The following SLIT3 variants were observed in gnomAD, a reference collection of about 807,000 sequenced individuals.
The protein encoded by SLIT3 is slit guidance ligand 3, also known as slit homolog 3 protein.
A neutral mutation model predicts 184.0 loss-of-function variants in SLIT3; 68 were observed. That is an observed-to-expected ratio of 0.37 (90% CI 0.30 to 0.45). SLIT3 has a LOEUF of 0.45. SLIT3 is among the 20% of genes least tolerant of loss of function. SLIT3 has a pLI of 1.00. For synonymous variants in SLIT3, 831 were observed against 828.6 expected (o/e 1.00, Z -0.05); for missense variants, 1,707 against 2,026.0 (o/e 0.84, Z 3.02).
intron 5 of SLIT3, among the ~76,000 whole-genome samples, chr5:168,862,788 C>T (rs34611275): frequency 0.11 from 16,176 of 152,102 alleles, 896 homozygotes; most frequent in East Asian, 0.22. Flanking sequence ...GATTCTCCTG[C>T]TTCAGCTTCC....
At chr5:169,170,292 G>A (rs1165082581) in intron 4 of SLIT3, among the ~76,000 whole-genome samples, 1 of 152,138 alleles carries the variant, frequency 6.6e-6, no homozygotes, top group African/African-American at 2.4e-5. Context: ...CTTCTCAGGG[G>A]TGAAAAGACT....
At chr5:169,033,303 A>G (rs1284575127) in intron 4 of SLIT3, among the ~76,000 whole-genome samples, 1 of 152,148 alleles carries the variant, frequency 6.6e-6, no homozygotes, top group Admixed American at 6.5e-5. Context: ...AGGGCTGAAT[A>G]ATATTCCAAT....
intron 4 of SLIT3, among the ~76,000 whole-genome samples, chr5:169,114,334 T>G (rs529889822): frequency 1.3e-5 from 2 of 152,192 alleles, no homozygotes; most frequent in Admixed American, 6.5e-5. Context: ...TATTATCACC[T>G]CTGTTTTACA....
intron 29 of SLIT3, among the ~76,000 whole-genome samples, chr5:168,689,648 G>A (rs1298732286): frequency 6.6e-6 from 1 of 152,208 alleles, no homozygotes; most frequent in Admixed American, 6.5e-5. Context: ...ATTGTATTAT[G>A]GACAGGTAGT....
At chr5:169,140,665 A>T (rs1206121154) in intron 4 of SLIT3, among the ~76,000 whole-genome samples, 1 of 151,720 alleles carries the variant, frequency 6.6e-6, no homozygotes, top group African/African-American at 2.4e-5. Flanking sequence ...GTAGCTGGGC[A>T]TGGCTGTGTG....
chr5:169,193,532 C>T lies in SLIT3; in HGVS notation c.360G>A (p.Lys120=), dbSNP rs1763630655. 1 of 1,613,944 alleles carries T rather than the reference C, an allele frequency of 6.2e-7. No individual in the cohort carries two copies. Among genetic ancestry groups the T allele is most frequent in the Non-Finnish European group, 8.5e-7 (1 of 1,179,958 alleles). Residue 120 remains lysine, a synonymous_variant, in exon 4 of 36, where the codon AAG becomes AAA. Transcript: ENST00000519560. ...QLERLRLNKN[K]LQVLPELLFQ... Reference sequence around the variant, plus strand: ...AAAGCAATTCTGGAAGGACTTGCAGCTTATTCTTGTTCAGGCGCCTAAAGA... The same window carrying T: ...AAAGCAATTCTGGAAGGACTTGCAGTTTATTCTTGTTCAGGCGCCTAAAGA...
At chr5:168,893,774 T>C (rs1419527124) in intron 4 of SLIT3, among the ~76,000 whole-genome samples, 1 of 152,164 alleles carries the variant, frequency 6.6e-6, no homozygotes, top group Non-Finnish European at 1.5e-5. Flanking sequence ...AAATGAAGTG[T>C]GTGCATTTGG....
intron 34 of SLIT3, 126 bp downstream of exon 34, chr5:168,671,072 A>G: frequency 9.3e-7 from 1 of 1,078,226 alleles, no homozygotes; most frequent in Non-Finnish European, 1.3e-6. Flanking sequence ...TTACACTTAC[A>G]CAGATCCTAT....
chr5:169,273,646 T>C (rs927808682), intron 1 of SLIT3, among the ~76,000 whole-genome samples: 2 of 152,126 alleles, frequency 1.3e-5, no homozygotes, highest in East Asian at 3.9e-4. Context: ...AGAATCATTG[T>C]TGGAGGTGAA....
In SLIT3 at chr5:168,939,991, G is replaced by T; in HGVS notation, c.414-56655C>A. 1.3e-5 allele frequency among the ~76,000 whole-genome samples: 2 copies of T among 152,246 alleles called. 1 individual carries two copies. The highest frequency in any genetic ancestry group is 3.8e-4 in the East Asian group (2 of 5,204). ...GGTTACCTAGGTAGTAAGTAGCAGA[G>T]ATGGGATTGAATTGAACTGGGCTAA... On this transcript the variant is annotated intron_variant, in intron 4 of 35. Transcript: ENST00000519560.
At chr5:169,078,809 C>T (rs1561648435) in intron 4 of SLIT3, among the ~76,000 whole-genome samples, 1 of 152,100 alleles carries the variant, frequency 6.6e-6, no homozygotes. Flanking sequence ...ACCAGACACG[C>T]CAAGTGAAAT....
intron 4 of SLIT3, among the ~76,000 whole-genome samples, chr5:169,108,345 TATAGAC>T (rs1430038140): frequency 6.6e-6 from 1 of 152,178 alleles, no homozygotes; most frequent in Non-Finnish European, 1.5e-5. Context: ...TTCTGGCAGA[TATAGAC>T]AGAGCTGGCA....
chr5:168,695,095 T>G (rs1762015169), intron 28 of SLIT3, among the ~76,000 whole-genome samples: 1 of 152,200 alleles, frequency 6.6e-6, no homozygotes, highest in Non-Finnish European at 1.5e-5. Flanking sequence ...GTATGGGCTA[T>G]GAGGGACAAT....
chr5:168,923,062 C>A (rs918268998), intron 4 of SLIT3, among the ~76,000 whole-genome samples: 8 of 152,092 alleles, frequency 5.3e-5, no homozygotes, highest in African/African-American at 1.4e-4. Context: ...TAGATGGGAG[C>A]AGAGGGGACT....
At chr5:169,133,335 T>C (rs1285456596) in intron 4 of SLIT3, among the ~76,000 whole-genome samples, 1 of 152,214 alleles carries the variant, frequency 6.6e-6, no homozygotes, top group East Asian at 1.9e-4. Flanking sequence ...CTTCTTGGAA[T>C]CTTGAGTGGT....
rs115635642 is a variant in SLIT3, at chr5:169,011,382, T to C, written c.414-128046A>G. Among the ~76,000 whole-genome samples, 839 of 152,278 alleles carry C rather than the reference T, an allele frequency of 5.5e-3. 11 individuals carry two copies. The highest frequency in any genetic ancestry group is 0.02 in the African/African-American group (812 of 41,546). On this transcript the variant is annotated intron_variant, in intron 4 of 35. Transcript: ENST00000519560. ...TGCTTGTGGCTTCTAGGCAAAATTG[T>C]AATAGGTCTAGCTACTAAAGCTTTG... is the stretch of plus-strand genomic sequence containing the variant.
chr5:168,747,174 T>C (rs768606814), intron 20 of SLIT3, among the ~76,000 whole-genome samples: 3 of 152,142 alleles, frequency 2.0e-5, no homozygotes, highest in African/African-American at 7.2e-5. Flanking sequence ...ACCCCTCAGA[T>C]TGCGGCTCTA....
At chr5:168,954,690 G>A (rs1762762932) in intron 4 of SLIT3, among the ~76,000 whole-genome samples, 1 of 152,226 alleles carries the variant, frequency 6.6e-6, no homozygotes, top group South Asian at 2.1e-4. Context: ...CCCTAGCACT[G>A]AGGGAGCTCA....
intron 4 of SLIT3, among the ~76,000 whole-genome samples, chr5:168,948,235 G>T (rs1258678030): frequency 6.6e-6 from 1 of 152,150 alleles, no homozygotes; most frequent in Non-Finnish European, 1.5e-5. Context: ...TGCACTGCCT[G>T]GCACACAGTG....
Sources: allele counts gnomAD v4.1 joint callset (sites outside exome capture counted in the v4.1 genomes callset), GRCh38; gene constraint gnomAD v4.1.1; transcripts MANE v1.5; gene names NCBI Gene and HGNC (gene_info 2026-07-23, HGNC 2026-07-21).